The following CFAP299 variants were observed in gnomAD, a reference collection of about 807,000 sequenced individuals.
The protein encoded by CFAP299 is cilia- and flagella-associated protein 299.
Under a neutral mutation model 27.0 loss-of-function variants are expected in CFAP299, and 21 were observed. That is an observed-to-expected ratio of 0.78 (90% CI 0.55 to 1.12). The LOEUF is 1.12. Among genes scored for constraint, CFAP299 ranks in the 50% most tolerant of loss-of-function variants. The probability of loss-of-function intolerance (pLI) is 0.00; values close to 1 mark genes in which losing one functional copy is unlikely to be tolerated. For missense variants in CFAP299, 310 were observed against 276.6 expected (o/e 1.12, Z -0.86); for synonymous variants, 104 against 98.1 (o/e 1.06, Z -0.36).
chr4:80,529,231 T>C (rs893083451), intron 2 of CFAP299, among the ~76,000 whole-genome samples: 4 of 152,128 alleles, frequency 2.6e-5, no homozygotes, highest in Non-Finnish European at 5.9e-5. Context: ...GTCCTTTCCA[T>C]GGTTTTTTTT....
intron 3 of CFAP299, among the ~76,000 whole-genome samples, chr4:80,864,429 G>GGT (rs1491135579): frequency 7.8e-6 from 1 of 128,140 alleles, no homozygotes; most frequent in African/African-American, 3.1e-5. Context: ...TATATATATA[G>GGT]GTATATATAT....
chr4:80,377,275 A>AT (rs2110015484), intron 2 of CFAP299, among the ~76,000 whole-genome samples: 1 of 152,118 alleles, frequency 6.6e-6, no homozygotes, highest in South Asian at 2.1e-4. Context: ...TGTATTAATA[A>AT]TTTATTTTAA....
At chr4:80,352,240 A>C (rs775112900) in intron 1 of CFAP299, among the ~76,000 whole-genome samples, 1 of 152,196 alleles carries the variant, frequency 6.6e-6, no homozygotes, top group Non-Finnish European at 1.5e-5. Flanking sequence ...TAGAACCAGA[A>C]GTTAGAATAA....
intron 2 of CFAP299, among the ~76,000 whole-genome samples, chr4:80,578,486 T>A (rs1735990289): frequency 2.0e-5 from 3 of 152,174 alleles, no homozygotes; most frequent in Admixed American, 1.3e-4. Context: ...TATAATACTT[T>A]TATCTTCCTC....
intron 3 of CFAP299, among the ~76,000 whole-genome samples, chr4:80,740,536 G>A (rs1724196256): frequency 1.3e-5 from 2 of 152,110 alleles, no homozygotes; most frequent in Admixed American, 1.3e-4. Flanking sequence ...GTACCCTGTG[G>A]CCATCACCAC....
intron 2 of CFAP299, among the ~76,000 whole-genome samples, chr4:80,501,488 TATA>T (rs1396582758): frequency 5.4e-5 from 8 of 147,664 alleles, no homozygotes; most frequent in Admixed American, 3.4e-4. Flanking sequence ...CATTTTTATT[TATA>T]ATGTTTATAT....
intron 2 of CFAP299, chr4:80,387,982 T>C (rs1009366461): frequency 4.1e-6 from 3 of 734,740 alleles, no homozygotes; most frequent in South Asian, 1.7e-5. Flanking sequence ...TGGGGTATAC[T>C]GGAGCCTCCA....
At chr4:80,673,538 G>A (rs1362832495) in intron 3 of CFAP299, among the ~76,000 whole-genome samples, 1 of 152,146 alleles carries the variant, frequency 6.6e-6, no homozygotes, top group Non-Finnish European at 1.5e-5. Flanking sequence ...GCTTGGTGCG[G>A]AGCTGAGTTC....
At chr4:80,396,657 T>C (rs1419563756) in intron 2 of CFAP299, among the ~76,000 whole-genome samples, 2 of 152,154 alleles carry the variant, frequency 1.3e-5, no homozygotes, top group African/African-American at 4.8e-5. Context: ...TTGTCTTTGG[T>C]TCTGTTTATA....
intron 2 of CFAP299, among the ~76,000 whole-genome samples, chr4:80,439,183 A>G (rs1728230312): frequency 6.6e-6 from 1 of 152,174 alleles, no homozygotes; most frequent in African/African-American, 2.4e-5. Context: ...TGAGAACAAT[A>G]TTAAGTTATA....
intron 3 of CFAP299, among the ~76,000 whole-genome samples, chr4:80,781,581 T>C (rs1726880645): frequency 6.6e-6 from 1 of 152,094 alleles, no homozygotes; most frequent in African/African-American, 2.4e-5. Flanking sequence ...GGGTGGTAAA[T>C]GATTAAATGT....
chr4:80,914,417 G>A (rs1392369887), intron 4 of CFAP299, among the ~76,000 whole-genome samples: 2 of 151,934 alleles, frequency 1.3e-5, no homozygotes, highest in East Asian at 1.9e-4. Context: ...AGACATTTGG[G>A]GCCAGATAAT....
At chr4:80,662,925 CA>C (rs1011047445) in intron 3 of CFAP299, among the ~76,000 whole-genome samples, 3 of 151,566 alleles carry the variant, frequency 2.0e-5, no homozygotes, top group African/African-American at 7.3e-5. Flanking sequence ...ATGAGATTAG[CA>C]AATTTTAGGT....
chr4:80,382,807 G>A (rs1430321971), intron 2 of CFAP299, among the ~76,000 whole-genome samples: 1 of 152,070 alleles, frequency 6.6e-6, no homozygotes, highest in East Asian at 1.9e-4. Context: ...ATCTGACCCA[G>A]CAATCCCATT....
At chr4:80,610,836 A>G (rs1043077803) in intron 3 of CFAP299, among the ~76,000 whole-genome samples, 1 of 152,022 alleles carries the variant, frequency 6.6e-6, no homozygotes, top group South Asian at 2.1e-4. Flanking sequence ...GGAGGGTTTC[A>G]TCAGTCATGG....
intron 2 of CFAP299, among the ~76,000 whole-genome samples, chr4:80,464,371 C>A (rs1729606923): frequency 6.6e-6 from 1 of 152,104 alleles, no homozygotes; most frequent in Admixed American, 6.6e-5. Context: ...ATGTTTTTAC[C>A]TGGAAGTAAG....
chr4:80,667,415 C>A (rs115310796), intron 3 of CFAP299, among the ~76,000 whole-genome samples: 150 of 152,246 alleles, frequency 9.9e-4, no homozygotes, highest in African/African-American at 3.3e-3. Flanking sequence ...CAGTACTGAT[C>A]TATGAAATAC....
intron 4 of CFAP299, among the ~76,000 whole-genome samples, chr4:80,881,429 G>A (rs989220376): frequency 6.6e-6 from 1 of 152,136 alleles, no homozygotes; most frequent in Admixed American, 6.5e-5. Context: ...ACAAAGAAAG[G>A]AGACAAACAT....
At chr4:80,745,662 G>A (rs1183410015) in intron 3 of CFAP299, among the ~76,000 whole-genome samples, 1 of 151,884 alleles carries the variant, frequency 6.6e-6, no homozygotes, top group Admixed American at 6.6e-5. Flanking sequence ...ACATTTGTCA[G>A]AATAATTGAA....
Sources: allele counts gnomAD v4.1 joint callset (sites outside exome capture counted in the v4.1 genomes callset), GRCh38; gene constraint gnomAD v4.1.1; transcripts MANE v1.5; gene names NCBI Gene and HGNC (gene_info 2026-07-23, HGNC 2026-07-21).